ARK2C: variants seen among roughly 807,000 people sequenced by gnomAD.
ARK2C encodes arkadia (RNF111) C-terminal like ring finger ubiquitin ligase 2C.
chr18:46,424,927 T>C, the ARK2C span, among the ~76,000 whole-genome samples: 1 of 152,212 alleles, frequency 6.6e-6, no homozygotes, highest in Admixed American at 6.5e-5. Context: ...CTTTGCTGCT[T>C]GTGTGGGCTT....
the ARK2C span, chr18:46,457,535 C>G: frequency 6.5e-6 from 1 of 153,214 alleles, no homozygotes; most frequent in Non-Finnish European, 1.5e-5. Flanking sequence ...CTCCCCAGGC[C>G]CAGGGCTCAA....
the ARK2C span, chr18:46,336,463 A>G: frequency 4.1e-6 from 4 of 985,432 alleles, no homozygotes; most frequent in Non-Finnish European, 4.8e-6. Context: ...AGGAAATTCA[A>G]GGGCTGAGGG....
At chr18:46,412,577 C>T in the ARK2C span, among the ~76,000 whole-genome samples, 3 of 152,200 alleles carry the variant, frequency 2.0e-5, no homozygotes, top group East Asian at 3.8e-4. Context: ...GCTGATGAGG[C>T]TGCCTGGTTG....
At chr18:46,460,133 G>A in the ARK2C span, 2 of 152,686 alleles carry the variant, frequency 1.3e-5, no homozygotes, top group South Asian at 2.1e-4. Flanking sequence ...CCCAGCCTCC[G>A]TGCAAGTATT....
At chr18:46,408,230 A>AG in the ARK2C span, among the ~76,000 whole-genome samples, 1 of 152,218 alleles carries the variant, frequency 6.6e-6, no homozygotes, top group Non-Finnish European at 1.5e-5. Flanking sequence ...CTACTGATTC[A>AG]GGGGAAGGTC....
the ARK2C span, among the ~76,000 whole-genome samples, chr18:46,432,472 G>A: frequency 6.6e-6 from 1 of 152,080 alleles, no homozygotes; most frequent in Non-Finnish European, 1.5e-5. Context: ...TTGAGTCCTG[G>A]CTGGCCAGGC....
the ARK2C span, chr18:46,435,235 A>G: frequency 8.5e-6 from 13 of 1,525,310 alleles, no homozygotes; most frequent in South Asian, 1.2e-4. Flanking sequence ...GCTCTTGAGA[A>G]CTAGTGGCCT....
chr18:46,346,469 G>C, the ARK2C span, among the ~76,000 whole-genome samples: 1 of 152,138 alleles, frequency 6.6e-6, no homozygotes, highest in Non-Finnish European at 1.5e-5. Context: ...CAGGTTAAGG[G>C]CTGTGTTTGC....
At chr18:46,376,664 CTTTTTTT>C in the ARK2C span, among the ~76,000 whole-genome samples, 314 of 72,278 alleles carry the variant, frequency 4.3e-3, 1 homozygote, top group African/African-American at 0.017. Context: ...GGTTAATAAT[CTTTTTTT>C]TTTTTTTTTT....
At chr18:46,427,613 C>A in the ARK2C span, among the ~76,000 whole-genome samples, 1 of 152,246 alleles carries the variant, frequency 6.6e-6, no homozygotes, top group Admixed American at 6.5e-5. Flanking sequence ...CCGTTTCAAA[C>A]CAGTCTGCCT....
At chr18:46,387,423 C>T in the ARK2C span, among the ~76,000 whole-genome samples, 1 of 152,260 alleles carries the variant, frequency 6.6e-6, no homozygotes, top group East Asian at 1.9e-4. Flanking sequence ...GAATCCAGTA[C>T]AAAAACAGCA....
At chr18:46,406,345 G>C in the ARK2C span, among the ~76,000 whole-genome samples, 2 of 152,234 alleles carry the variant, frequency 1.3e-5, no homozygotes, top group South Asian at 4.1e-4. Context: ...ACTTGGGATG[G>C]CCCCAGCCTC....
the ARK2C span, among the ~76,000 whole-genome samples, chr18:46,404,138 T>G: frequency 6.6e-6 from 1 of 152,222 alleles, no homozygotes; most frequent in Non-Finnish European, 1.5e-5. Context: ...AAAATTTAAA[T>G]ATGATTTACG....
chr18:46,337,430 A>G, the ARK2C span: 38 of 985,354 alleles, frequency 3.9e-5, no homozygotes, highest in African/African-American at 5.8e-4. Flanking sequence ...CCAGTTGACA[A>G]TGTACAGCGC....
the ARK2C span, among the ~76,000 whole-genome samples, chr18:46,376,757 G>A: frequency 8.0e-6 from 1 of 124,644 alleles, no homozygotes; most frequent in East Asian, 2.7e-4. Flanking sequence ...TGCAACATCC[G>A]CCTCCCAGGT....
chr18:46,394,268 C>T, the ARK2C span, among the ~76,000 whole-genome samples: 1 of 152,192 alleles, frequency 6.6e-6, no homozygotes. Context: ...GGGGCAAAAG[C>T]GAGAGCCCTG....
the ARK2C span, among the ~76,000 whole-genome samples, chr18:46,415,550 AT>A: frequency 2.6e-5 from 4 of 151,876 alleles, no homozygotes; most frequent in South Asian, 2.1e-4. Flanking sequence ...AAATAAAAAA[AT>A]AAATAAAAAT....
the ARK2C span, among the ~76,000 whole-genome samples, chr18:46,385,168 A>G: frequency 6.6e-6 from 1 of 152,140 alleles, no homozygotes; most frequent in Non-Finnish European, 1.5e-5. Flanking sequence ...GTTGGGTTAG[A>G]GAATATGTTT....
chr18:46,345,615 A>G, the ARK2C span, among the ~76,000 whole-genome samples: 2 of 152,374 alleles, frequency 1.3e-5, no homozygotes, highest in East Asian at 3.9e-4. Context: ...CTCCTAGGGC[A>G]AAACAGGGCT....
Sources: allele counts gnomAD v4.1 joint callset (sites outside exome capture counted in the v4.1 genomes callset), GRCh38; gene constraint gnomAD v4.1.1; transcripts MANE v1.5; gene names NCBI Gene and HGNC (gene_info 2026-07-23, HGNC 2026-07-21).